The following AUTS2 variants were observed in gnomAD, a reference collection of about 807,000 sequenced individuals.
AUTS2 encodes autism susceptibility gene 2 protein.
In AUTS2, 17 loss-of-function variants were observed where a neutral mutation model predicts 112.4. That is an observed-to-expected ratio of 0.15 (90% confidence interval 0.10 to 0.23). The LOEUF is 0.23. AUTS2 is among the 10% of genes least tolerant of loss of function. AUTS2 has a pLI of 1.00. For missense variants in AUTS2, 1,510 were observed against 1,701.6 expected (o/e 0.89, Z 1.98); for synonymous variants, 751 against 702.7 (o/e 1.07, Z -1.09).
At chr7:70,347,775 C>T (rs556862416) in intron 4 of AUTS2, among the ~76,000 whole-genome samples, 3 of 152,286 alleles carry the variant, frequency 2.0e-5, no homozygotes, top group Admixed American at 1.3e-4. Context: ...AGCACCCACA[C>T]TTCTGTGTCA....
intron 1 of AUTS2, among the ~76,000 whole-genome samples, chr7:69,878,773 T>C (rs551527658): frequency 2.9e-4 from 44 of 152,312 alleles, no homozygotes; most frequent in African/African-American, 1.1e-3. Context: ...CGATACTAAT[T>C]TACCCTGAGT....
At chr7:70,006,594 G>GT (rs1234025208) in intron 2 of AUTS2, among the ~76,000 whole-genome samples, 2 of 151,930 alleles carry the variant, frequency 1.3e-5, no homozygotes, top group Non-Finnish European at 2.9e-5. Flanking sequence ...TGCTGCTGTT[G>GT]TTTTTTTTAC....
intron 2 of AUTS2, among the ~76,000 whole-genome samples, chr7:70,099,170 T>C (rs1476214298): frequency 6.6e-6 from 1 of 152,208 alleles, no homozygotes; most frequent in Non-Finnish European, 1.5e-5. Context: ...AAAAAACCTC[T>C]TTCTCTCTCT....
At chr7:70,052,442 A>G (rs1202473958) in intron 2 of AUTS2, among the ~76,000 whole-genome samples, 1 of 152,100 alleles carries the variant, frequency 6.6e-6, no homozygotes, top group Non-Finnish European at 1.5e-5. Flanking sequence ...TAGAATTGAG[A>G]TGACTGAAGC....
At chr7:70,683,767 T>A (rs1198889859) in intron 5 of AUTS2, among the ~76,000 whole-genome samples, 1 of 152,194 alleles carries the variant, frequency 6.6e-6, no homozygotes, top group Non-Finnish European at 1.5e-5. Context: ...CGGCATATGA[T>A]CATAATAACT....
At chr7:70,482,705 G>A (rs1191634968) in intron 5 of AUTS2, among the ~76,000 whole-genome samples, 4 of 152,142 alleles carry the variant, frequency 2.6e-5, no homozygotes, top group South Asian at 2.1e-4. Context: ...TTATCCCAAC[G>A]TCTCCGTGAA....
chr7:70,029,225 G>A (rs975519591), intron 2 of AUTS2, among the ~76,000 whole-genome samples: 2 of 149,954 alleles, frequency 1.3e-5, no homozygotes, highest in African/African-American at 2.5e-5. Context: ...AGCAGTGCCA[G>A]ACACACAGCA....
intron 4 of AUTS2, among the ~76,000 whole-genome samples, chr7:70,222,912 A>C (rs1811561377): frequency 6.7e-6 from 1 of 149,542 alleles, no homozygotes. Flanking sequence ...TTTTGAGACA[A>C]AGTCTCGCCC....
intron 4 of AUTS2, among the ~76,000 whole-genome samples, chr7:70,152,170 A>G (rs1807477135): frequency 2.0e-5 from 3 of 152,198 alleles, no homozygotes; most frequent in African/African-American, 7.2e-5. Flanking sequence ...TGCAGATTGA[A>G]CAGAGCATCC....
chr7:69,667,923 A>G (rs1421253854), intron 1 of AUTS2, among the ~76,000 whole-genome samples: 1 of 152,206 alleles, frequency 6.6e-6, no homozygotes, highest in Non-Finnish European at 1.5e-5. Context: ...CTAAATCACT[A>G]TACCTATCTT....
At chr7:69,637,569 A>C (rs1157474659) in intron 1 of AUTS2, among the ~76,000 whole-genome samples, 1 of 152,256 alleles carries the variant, frequency 6.6e-6, no homozygotes, top group Non-Finnish European at 1.5e-5. Flanking sequence ...GAAAAATTGT[A>C]GAATAAAAGC....
intron 5 of AUTS2, among the ~76,000 whole-genome samples, chr7:70,611,184 A>C (rs1804073957): frequency 6.6e-6 from 1 of 152,160 alleles, no homozygotes. Flanking sequence ...ATTCCTCTGC[A>C]CGTAGGTATG....
In AUTS2 at chr7:69,649,535, G is replaced by A. The variant is rs557197663; in HGVS notation, c.309+49573G>A. 2.6e-5 allele frequency among the ~76,000 whole-genome samples: 4 copies of A among 151,424 alleles called. No homozygotes were observed. In the East Asian group the frequency reaches 7.8e-4, roughly 29 times the overall value. ...TATGCTTTTTTTTTTGGCCTTTGGC[G>A]CTGTGAGCAGAGTCACCTCATCCTC... On this transcript the variant is annotated intron_variant, in intron 1 of 18. Transcript: ENST00000342771.
intron 2 of AUTS2, among the ~76,000 whole-genome samples, chr7:69,917,318 C>G (rs1795621723): frequency 6.8e-6 from 1 of 146,144 alleles, no homozygotes; most frequent in Non-Finnish European, 1.5e-5. Flanking sequence ...GCTTCCTAAT[C>G]CCATGCCCCT....
intron 5 of AUTS2, among the ~76,000 whole-genome samples, chr7:70,448,577 A>G (rs1324708527): frequency 2.0e-5 from 3 of 152,230 alleles, no homozygotes; most frequent in Admixed American, 6.5e-5. Flanking sequence ...GAATAAGAAC[A>G]AAAGTATTGA....
intron 1 of AUTS2, among the ~76,000 whole-genome samples, chr7:69,737,663 A>T (rs1252196485): frequency 6.6e-6 from 1 of 152,086 alleles, no homozygotes; most frequent in Non-Finnish European, 1.5e-5. Flanking sequence ...CCACAGGGGG[A>T]TGTTTGAAAG....
chr7:69,639,716 G>C (rs117751613), intron 1 of AUTS2, among the ~76,000 whole-genome samples: 1 of 152,342 alleles, frequency 6.6e-6, no homozygotes, highest in Non-Finnish European at 1.5e-5. Flanking sequence ...CTGTGCCTCT[G>C]AGGGTGGGTT....
In AUTS2 at chr7:69,786,341, A is replaced by T. The variant is rs1789374732; in HGVS notation, c.310-112945A>T. Among the ~76,000 whole-genome samples, 3 of 152,112 alleles carry T rather than the reference A, an allele frequency of 2.0e-5. No individual in the cohort carries two copies. In the South Asian group the frequency reaches 6.2e-4, roughly 31 times the overall value. On this transcript the variant is annotated intron_variant, in intron 1 of 18. Transcript: ENST00000342771. ...GTAAATGCACCAGTCAGCACTCTGTAAAAACGCACCAGTCAGCGCTCTGTG... is the reference window on the plus strand; with the variant it reads ...GTAAATGCACCAGTCAGCACTCTGTTAAAACGCACCAGTCAGCGCTCTGTG...
intron 4 of AUTS2, among the ~76,000 whole-genome samples, chr7:70,220,600 G>A (rs1040354418): frequency 6.6e-6 from 1 of 152,150 alleles, no homozygotes; most frequent in Non-Finnish European, 1.5e-5. Context: ...AGCTGATTTA[G>A]GTGATCTGCT....
Sources: allele counts gnomAD v4.1 joint callset (sites outside exome capture counted in the v4.1 genomes callset), GRCh38; gene constraint gnomAD v4.1.1; transcripts MANE v1.5; gene names NCBI Gene and HGNC (gene_info 2026-07-23, HGNC 2026-07-21).